The following RNLS variants were observed in gnomAD, a reference collection of about 807,000 sequenced individuals.
The protein encoded by RNLS is renalase.
A neutral mutation model predicts 39.8 loss-of-function variants in RNLS; 39 were observed. That is an observed-to-expected ratio of 0.98 (90% CI 0.76 to 1.28). The LOEUF (loss-of-function observed/expected upper bound fraction) is 1.28, where lower values mean the gene tolerates loss of function less well. Among genes scored for constraint, RNLS ranks in the 50% most tolerant of loss-of-function variants. The pLI, the probability that RNLS is intolerant of heterozygous loss-of-function variation, is 0.00. For missense variants in RNLS, 410 were observed against 413.3 expected, an observed-to-expected ratio of 0.99 and a Z score of 0.07; for synonymous variants, 147 against 150.7, an observed-to-expected ratio of 0.98 and a Z score of 0.18.
At chr10:88,482,459 G>T (rs774328127) in intron 4 of RNLS, among the ~76,000 whole-genome samples, 3 of 151,810 alleles carry the variant, frequency 2.0e-5, no homozygotes, top group African/African-American at 4.8e-5. Flanking sequence ...TTCATTTCAG[G>T]TCCTGTATTT....
chr10:88,397,250 T>C (rs1284988741), intron 4 of RNLS, among the ~76,000 whole-genome samples: 2 of 151,902 alleles, frequency 1.3e-5, no homozygotes, highest in Admixed American at 1.3e-4. Flanking sequence ...TTTAAAAGAA[T>C]TAAAATGATA....
chr10:88,200,179 G>A, the RNLS span, among the ~76,000 whole-genome samples: 1 of 152,094 alleles, frequency 6.6e-6, no homozygotes, highest in Non-Finnish European at 1.5e-5. Flanking sequence ...CAGAGGTGAG[G>A]GACTCCTGAA....
chr10:88,279,459 A>AG (rs1426631320), downstream of RNLS, among the ~76,000 whole-genome samples: 1 of 152,144 alleles, frequency 6.6e-6, no homozygotes, highest in Non-Finnish European at 1.5e-5. Flanking sequence ...TTCATAGACG[A>AG]GGGCCCTGCG....
intron 1 of RNLS, among the ~76,000 whole-genome samples, chr10:88,582,865 C>G (rs1850699192): frequency 6.6e-6 from 1 of 152,242 alleles, no homozygotes; most frequent in South Asian, 2.1e-4. Context: ...CCCACCCTCG[C>G]CCCTTCTTGG....
intron 5 of RNLS, among the ~76,000 whole-genome samples, chr10:88,339,714 C>A (rs1443662634): frequency 6.6e-6 from 1 of 152,130 alleles, no homozygotes; most frequent in Admixed American, 6.5e-5. Flanking sequence ...AATTTCATTT[C>A]TTTTTATTTT....
chr10:88,443,455 CGGACAGTGGGTGCA>C (rs547675940), intron 4 of RNLS, among the ~76,000 whole-genome samples: 3 of 152,214 alleles, frequency 2.0e-5, no homozygotes, highest in South Asian at 2.1e-4. Flanking sequence ...CTGGGCTTGT[CGGACAGTGGGTGCA>C]GGACAGTGGG....
At chr10:88,348,090 G>A (rs1340305806) in intron 5 of RNLS, among the ~76,000 whole-genome samples, 3 of 152,124 alleles carry the variant, frequency 2.0e-5, no homozygotes, top group African/African-American at 7.2e-5. Context: ...GACCCTTGCT[G>A]GTTTTCCCTC....
intron 4 of RNLS, among the ~76,000 whole-genome samples, chr10:88,529,698 G>T (rs181390509): frequency 1.3e-5 from 2 of 152,250 alleles, no homozygotes; most frequent in African/African-American, 4.8e-5. Context: ...TATTTCAAGA[G>T]AAGATATTTT....
At chr10:88,522,293 T>C (rs1846800204) in intron 4 of RNLS, among the ~76,000 whole-genome samples, 1 of 152,100 alleles carries the variant, frequency 6.6e-6, no homozygotes. Context: ...AAAAATTTAA[T>C]CCTATGCAAA....
chr10:88,467,070 T>A (rs1027903503), intron 4 of RNLS, among the ~76,000 whole-genome samples: 2 of 152,034 alleles, frequency 1.3e-5, no homozygotes, highest in African/African-American at 4.8e-5. Flanking sequence ...GGGTACAATT[T>A]TTTTCATCAG....
intron 6 of RNLS, among the ~76,000 whole-genome samples, chr10:88,276,887 C>T (rs1175976345): frequency 2.0e-5 from 3 of 152,190 alleles, no homozygotes; most frequent in African/African-American, 7.2e-5. Flanking sequence ...CCTCTAGGGA[C>T]ATGGTATATC....
At chr10:88,481,304 C>T (rs1048557320) in intron 4 of RNLS, among the ~76,000 whole-genome samples, 7 of 152,136 alleles carry the variant, frequency 4.6e-5, no homozygotes, top group Non-Finnish European at 1.0e-4. Context: ...TTAGGCCATT[C>T]ACATTTAATT....
chr10:88,406,115 T>C lies in RNLS; in HGVS notation c.527-43390A>G, dbSNP rs184525988. ...CTGCTGTTAATCTGATAGGTTTTCC[T>C]GTAAAGGTTACTTGGTGCTTCTGTC... On this transcript the variant is annotated intron_variant, in intron 4 of 6. Transcript: ENST00000331772. Among the ~76,000 whole-genome samples the C allele has an allele frequency of 3.6e-3, 553 of 152,274 alleles. 3 individuals carry two copies. Among genetic ancestry groups the C allele is most frequent in the African/African-American group, 0.013 (527 of 41,576 alleles).
the RNLS span, among the ~76,000 whole-genome samples, chr10:88,257,274 T>C: frequency 2.6e-5 from 4 of 152,298 alleles, no homozygotes; most frequent in South Asian, 2.1e-4. Context: ...AGTTAAATGA[T>C]TGTAAAACAA....
chr10:88,299,610 G>T (rs1844362704), intron 6 of RNLS, among the ~76,000 whole-genome samples: 1 of 152,258 alleles, frequency 6.6e-6, no homozygotes, highest in East Asian at 1.9e-4. Context: ...GCGCAATAGA[G>T]CAAGACTCCA....
chr10:88,521,568 G>A (rs1392833168), intron 4 of RNLS, among the ~76,000 whole-genome samples: 1 of 151,918 alleles, frequency 6.6e-6, no homozygotes, highest in Non-Finnish European at 1.5e-5. Context: ...AAATAAATGA[G>A]GTTTAAGGTG....
At chr10:88,431,875 T>C (rs1855150501) in intron 4 of RNLS, among the ~76,000 whole-genome samples, 1 of 151,756 alleles carries the variant, frequency 6.6e-6, no homozygotes, top group South Asian at 2.1e-4. Flanking sequence ...AATGTCTTTA[T>C]GGCCCAGGAT....
the RNLS span, among the ~76,000 whole-genome samples, chr10:88,240,730 T>A: frequency 1.1e-4 from 17 of 152,078 alleles, no homozygotes; most frequent in East Asian, 1.9e-4. Context: ...ACATCTTGAA[T>A]CTCCTATCTA....
the RNLS span, among the ~76,000 whole-genome samples, chr10:88,173,640 G>C: frequency 1.2e-4 from 19 of 152,206 alleles, no homozygotes; most frequent in African/African-American, 4.6e-4. Context: ...CTGTTTGCTT[G>C]TGCCCTCTAC....
Sources: gnomAD v4.1 joint callset for allele counts (sites outside exome capture counted in the v4.1 genomes callset) on GRCh38, gnomAD v4.1.1 for gene constraint, MANE v1.5 for transcripts, NCBI Gene and HGNC (gene_info 2026-07-23, HGNC 2026-07-21) for gene names.